PLXND1: variants seen among roughly 807,000 people sequenced by gnomAD.
The protein encoded by PLXND1 is plexin-D1.
PLXND1 carries 54 observed loss-of-function variants against 197.7 expected under a neutral mutation model. The ratio of observed to expected loss-of-function variants is 0.27; its 90% CI spans 0.22 to 0.34. The LOEUF is 0.34. Among genes scored for constraint, PLXND1 ranks in the 10% least tolerant of loss-of-function variants. The pLI, the probability that PLXND1 is intolerant of heterozygous loss-of-function variation, is 1.00. For synonymous variants in PLXND1, 1,180 were observed against 1,161.2 expected, an observed-to-expected ratio of 1.02 and a Z score of -0.33; for missense variants, 2,127 against 2,699.2, an observed-to-expected ratio of 0.79 and a Z score of 4.70.
At position 129,567,934 on chromosome 3, in the gene PLXND1, C is replaced by A. The variant is rs1243784813; in HGVS notation, c.3866-129G>T. The A allele has an allele frequency of 6.1e-6, 3 of 493,040 alleles. No individual in the cohort carries two copies. The Admixed American group carries it at 1.1e-4, about 18-fold the overall frequency. 30.5% of individuals were successfully genotyped at this position (493,040 alleles called of 1,614,324 possible). ...GTGGGAGGAGGCCCTGCAGTCCTCC[C>A]TCCTGGGCAGGGTTGGGGTGGGGGG... is the stretch of plus-strand genomic sequence containing the variant. On this transcript the variant is annotated intron_variant, in intron 20 of 35. Transcript: ENST00000324093.
rs530492933 is a variant in PLXND1, at chr3:129,560,571, C to T, written c.5028+118G>A. 56 of 968,582 alleles carry T rather than the reference C, an allele frequency of 5.8e-5. No individual in the cohort carries two copies. In the African/African-American group the frequency reaches 7.4e-4, roughly 13 times the overall value. The allele number at this position is 968,582 out of a possible 1,614,324, so 60.0% of individuals were successfully genotyped here. On this transcript the variant is annotated intron_variant, in intron 30 of 35. Transcript: ENST00000324093. ...ATTCTGGGCCCCATCCCTACTCCCC[C>T]ACCCCCCAGCCTTTCGCAGGGCTGG...
chr3:129,564,043 G>A (rs1226709691), intron 25 of PLXND1, among the ~76,000 whole-genome samples: 3 of 152,234 alleles, frequency 2.0e-5, no homozygotes, highest in Admixed American at 1.3e-4. Flanking sequence ...GCCTGGCTGA[G>A]GCCACAGAAA....
chr3:129,567,380 T>C (rs1351466318), intron 22 of PLXND1, 112 bp downstream of exon 22: 2 of 673,694 alleles, frequency 3.0e-6, no homozygotes, highest in East Asian at 5.4e-5. Flanking sequence ...TGCGGACAGC[T>C]GTGCAGGTTT....
intron 25 of PLXND1, 45 bp downstream of exon 25, chr3:129,565,295 G>T: frequency 6.4e-7 from 1 of 1,554,360 alleles, no homozygotes. Context: ...CTGAGTCCCT[G>T]CCACGTCCCC....
At position 129,572,741 on chromosome 3, in the gene PLXND1, AG is replaced by A; in HGVS notation, c.2944del (p.Leu982TrpfsTer27). The A allele has an allele frequency of 1.3e-6, 2 of 1,598,596 alleles. No homozygotes were observed. Among genetic ancestry groups the A allele is most frequent in the Non-Finnish European group, 1.7e-6 (2 of 1,170,596 alleles). On this transcript the variant is annotated frameshift_variant, in exon 15 of 36. Coordinates refer to ENST00000324093, the MANE Select transcript of PLXND1 (RefSeq NM_015103.3). LOFTEE classifies it high-confidence loss of function. ...CATGGTAGGCTCCAGGGAGTGGACC[AG>A]GGGCAGCTGTGGGAGGAAGGCAGGC... ...SRDRFSYVLP[L>X]VHSLEPTMGP...
rs3832259 is a variant in PLXND1, at chr3:129,605,284, CCCGCCGCCG to C, written c.1311+36_1311+44del. On this transcript the variant is annotated intron_variant, in intron 1 of 35. Coordinates refer to ENST00000324093, the MANE Select transcript of PLXND1 (RefSeq NM_015103.3). Reference sequence around the variant, plus strand: ...GTTCCCGCCCGCCCCCGCCCCCGCCCCCGCCGCCGCCGCCGCCGCCGCCGCCGCCACCGC... The same window carrying C: ...GTTCCCGCCCGCCCCCGCCCCCGCCCCCGCCGCCGCCGCCGCCGCCACCGC... The C allele has an allele frequency of 7.1e-4, 559 of 784,074 alleles. 5 individuals carry two copies. Among genetic ancestry groups the C allele is most frequent in the African/African-American group, 5.1e-3 (257 of 50,226 alleles). 48.6% of individuals were successfully genotyped at this position (784,074 alleles called of 1,614,324 possible). A position where few individuals can be genotyped will look rare whatever the true frequency, so the allele number is the denominator to read the frequency against.
chr3:129,559,850 G>T (rs2085032149), intron 31 of PLXND1, 67 bp from the exon 32 acceptor site: 6 of 1,355,812 alleles, frequency 4.4e-6, no homozygotes, highest in Non-Finnish European at 6.0e-6. Context: ...GGCACCCTTG[G>T]TGGCTCTGCG....
chr3:129,584,980 G>A (rs956314893), intron 5 of PLXND1, among the ~76,000 whole-genome samples: 28 of 151,942 alleles, frequency 1.8e-4, no homozygotes, highest in Non-Finnish European at 4.4e-5. Flanking sequence ...CCCACAACCC[G>A]CTCCCCACCC....
Position 129,560,716 on chromosome 3 carries a change from G to A in PLXND1, c.5001C>T (p.Asp1667=). ...AATGGAAATACTTCTCTGTGTCCAAGTCTTTCACTGTGAGAGGAAAAACAC... is the reference window on the plus strand; with the variant it reads ...AATGGAAATACTTCTCTGTGTCCAAATCTTTCACTGTGAGAGGAAAAACAC... ...KKDNTLGRVK[D]LDTEKYFHLV... is the part of the protein sequence containing the mutation. The change falls in exon 30 of 36, where the codon GAC becomes GAT. Residue 1667 remains aspartate, a synonymous_variant. Transcript: ENST00000324093. 6.3e-7 allele frequency: 1 copy of A among 1,595,484 alleles called. No individual in the cohort carries two copies. Among genetic ancestry groups the A allele is most frequent in the Non-Finnish European group, 8.6e-7 (1 of 1,163,230 alleles).
At chr3:129,587,951 G>A (rs1173602474) in intron 2 of PLXND1, among the ~76,000 whole-genome samples, 1 of 135,616 alleles carries the variant, frequency 7.4e-6, no homozygotes, top group Non-Finnish European at 1.6e-5. Flanking sequence ...AGCCTTGCAG[G>A]GGCTCAGGCC....
At chr3:129,589,312 C>CCCCCCCCCCCCCCACCCCCCA in intron 2 of PLXND1, 39 bp downstream of exon 2, 1 of 481,102 alleles carries the variant, frequency 2.1e-6, no homozygotes, top group Non-Finnish European at 4.0e-6. Flanking sequence ...GGGGAGCCTC[C>CCCCCCCCCCCCCCACCCCCCA]CACCCCCACC....
At chr3:129,590,127 C>G (rs939051707) in intron 1 of PLXND1, among the ~76,000 whole-genome samples, 1 of 152,168 alleles carries the variant, frequency 6.6e-6, no homozygotes, top group Non-Finnish European at 1.5e-5. Flanking sequence ...AAACCGCAGC[C>G]TTTCTTTCCC....
At chr3:129,592,857 G>C (rs2085566291) in intron 1 of PLXND1, among the ~76,000 whole-genome samples, 1 of 152,202 alleles carries the variant, frequency 6.6e-6, no homozygotes, top group African/African-American at 2.4e-5. Context: ...CAGCGTGGCG[G>C]GAAGTGCCGC....
intron 11 of PLXND1, 80 bp downstream of exon 11, chr3:129,575,389 C>T (rs1436586730): frequency 3.5e-6 from 3 of 859,242 alleles, no homozygotes; most frequent in Middle Eastern, 3.1e-4. Flanking sequence ...GGGGCAACCA[C>T]TGGAATGAGT....
chr3:129,572,055 C>T (rs970119189), intron 15 of PLXND1, among the ~76,000 whole-genome samples: 1 of 152,124 alleles, frequency 6.6e-6, no homozygotes, highest in African/African-American at 2.4e-5. Flanking sequence ...GGAAGCCTTC[C>T]CAGGTCTTCT....
chr3:129,602,346 G>A (rs773411314), intron 1 of PLXND1, among the ~76,000 whole-genome samples: 6 of 152,134 alleles, frequency 3.9e-5, no homozygotes, highest in African/African-American at 9.7e-5. Flanking sequence ...AGACCCCCTC[G>A]AGCCTGCTCA....
At chr3:129,586,859 G>C in intron 2 of PLXND1, 140 bp from the exon 3 acceptor site, 1 of 945,598 alleles carries the variant, frequency 1.1e-6, no homozygotes, top group Non-Finnish European at 1.6e-6. Flanking sequence ...AGTCACGGGC[G>C]TGCAGGGGAG....
In PLXND1 at chr3:129,555,303, A is replaced by T; in HGVS notation, c.*1009T>A. On this transcript the variant is annotated 3_prime_UTR_variant, in exon 36 of 36. Coordinates refer to ENST00000324093, the MANE Select transcript of PLXND1 (RefSeq NM_015103.3). ...CCCCATGGGCTCTGAGCCAGTCCCAACACTGGCTGAGTTGGCTGCGAGGGG... is the reference window on the plus strand; with the variant it reads ...CCCCATGGGCTCTGAGCCAGTCCCATCACTGGCTGAGTTGGCTGCGAGGGG... 1.8e-6 allele frequency: 1 copy of T among 547,720 alleles called. No homozygotes were observed. The highest frequency in any genetic ancestry group is 2.4e-5 in the South Asian group (1 of 40,918). The allele number at this position is 547,720 out of a possible 1,614,324, so 33.9% of individuals were successfully genotyped here. A position where few individuals can be genotyped will look rare whatever the true frequency, so the allele number is the denominator to read the frequency against.
chr3:129,573,860 G>A, intron 12 of PLXND1, 115 bp from the exon 13 acceptor site: 3 of 1,175,168 alleles, frequency 2.6e-6, no homozygotes, highest in Non-Finnish European at 3.6e-6. Context: ...ACTGCTTAGA[G>A]GAAGGTCTGG....
Sources: allele counts gnomAD v4.1 joint callset (sites outside exome capture counted in the v4.1 genomes callset), GRCh38; gene constraint gnomAD v4.1.1; transcripts MANE v1.5; gene names NCBI Gene and HGNC (gene_info 2026-07-23, HGNC 2026-07-21).